Variants in CSMD1 observed in about 807,000 individuals in gnomAD.
CSMD1 encodes the protein CUB and sushi domain-containing protein 1.
CSMD1 carries 213 observed loss-of-function variants against 417.5 expected under a neutral mutation model. That is an observed-to-expected ratio of 0.51 (90% CI 0.46 to 0.57). The LOEUF (loss-of-function observed/expected upper bound fraction) is 0.57, where lower values mean the gene tolerates loss of function less well. Ranked by LOEUF, CSMD1 falls within the 20% of genes least tolerant of loss-of-function variation. The probability of loss-of-function intolerance (pLI) is 0.00; values close to 1 mark genes in which losing one functional copy is unlikely to be tolerated. For synonymous variants in CSMD1, 2,862 were observed against 1,736.8 expected, an observed-to-expected ratio of 1.65 and a Z score of -16.11; for missense variants, 6,923 against 4,529.7, an observed-to-expected ratio of 1.53 and a Z score of -15.17.
intron 1 of CSMD1, among the ~76,000 whole-genome samples, chr8:4,728,021 A>AT (rs1158748662): frequency 1.0e-4 from 15 of 145,708 alleles, no homozygotes; most frequent in Middle Eastern, 3.8e-3. Context: ...ATATATATAT[A>AT]TTTTTTCTAT....
chr8:3,082,681 A>G (rs2129003788), intron 49 of CSMD1, among the ~76,000 whole-genome samples: 1 of 152,256 alleles, frequency 6.6e-6, no homozygotes, highest in Admixed American at 6.5e-5. Flanking sequence ...CACAGCAACA[A>G]CCTTAATGTA....
At chr8:3,767,041 C>T (rs1333724617) in intron 5 of CSMD1, among the ~76,000 whole-genome samples, 1 of 152,304 alleles carries the variant, frequency 6.6e-6, no homozygotes, top group East Asian at 1.9e-4. Flanking sequence ...AACTCCGGAG[C>T]TCTTCAGCTG....
chr8:3,883,046 T>C (rs1563174771), intron 5 of CSMD1, among the ~76,000 whole-genome samples: 3 of 152,160 alleles, frequency 2.0e-5, no homozygotes, highest in Non-Finnish European at 2.9e-5. Context: ...CCTGAACATA[T>C]CTAAGAGCCA....
chr8:3,334,700 G>A (rs986001183), intron 23 of CSMD1, among the ~76,000 whole-genome samples: 2 of 152,156 alleles, frequency 1.3e-5, no homozygotes, highest in Admixed American at 6.5e-5. Flanking sequence ...CAGTGCAAAC[G>A]GCTGCAAATG....
chr8:4,281,722 A>G (rs1417027381), intron 3 of CSMD1, among the ~76,000 whole-genome samples: 1 of 152,218 alleles, frequency 6.6e-6, no homozygotes, highest in Non-Finnish European at 1.5e-5. Context: ...TATAAACATT[A>G]AACGGAATCA....
At chr8:4,132,799 G>A (rs1235174221) in intron 3 of CSMD1, among the ~76,000 whole-genome samples, 2 of 152,152 alleles carry the variant, frequency 1.3e-5, no homozygotes, top group Non-Finnish European at 2.9e-5. Context: ...GTGTGTGAAT[G>A]TAAAGAAGAA....
At chr8:4,736,212 A>G (rs1259907439) in intron 1 of CSMD1, among the ~76,000 whole-genome samples, 3 of 152,180 alleles carry the variant, frequency 2.0e-5, no homozygotes, top group African/African-American at 4.8e-5. Context: ...CAGGACAGGG[A>G]AAAATGCTGT....
At chr8:4,888,736 C>G (rs78156138) in intron 1 of CSMD1, among the ~76,000 whole-genome samples, 2,896 of 152,084 alleles carry the variant, frequency 0.019, 114 homozygotes, top group African/African-American at 0.066. Context: ...CAGGCCAAGC[C>G]TGGGATATGT....
chr8:4,467,567 TAAGA>T (rs1229746898), intron 2 of CSMD1, among the ~76,000 whole-genome samples: 7 of 152,320 alleles, frequency 4.6e-5, no homozygotes, highest in Admixed American at 3.3e-4. Flanking sequence ...ATTGTTATTT[TAAGA>T]AACAAATATT....
At chr8:3,577,318 G>A (rs1400814659) in intron 9 of CSMD1, among the ~76,000 whole-genome samples, 3 of 152,160 alleles carry the variant, frequency 2.0e-5, no homozygotes, top group South Asian at 2.1e-4. Flanking sequence ...TCAGGCCTAT[G>A]AAGTACCAAG....
chr8:3,144,924 G>A (rs1818747628), intron 40 of CSMD1, among the ~76,000 whole-genome samples: 1 of 151,950 alleles, frequency 6.6e-6, no homozygotes, highest in Non-Finnish European at 1.5e-5. Flanking sequence ...CCCAGCCAGT[G>A]GCACATCCAG....
chr8:3,967,461 A>C (rs1419175132), intron 5 of CSMD1, among the ~76,000 whole-genome samples: 8 of 31,600 alleles, frequency 2.5e-4, no homozygotes, highest in African/African-American at 8.7e-4. Context: ...TAAAAGGAAA[A>C]AAAAAAAAAC....
intron 1 of CSMD1, among the ~76,000 whole-genome samples, chr8:4,686,588 C>T (rs556046707): frequency 2.6e-5 from 4 of 152,358 alleles, no homozygotes; most frequent in African/African-American, 4.8e-5. Flanking sequence ...ACAAGTCCTT[C>T]GTCCAGTCTC....
intron 1 of CSMD1, among the ~76,000 whole-genome samples, chr8:4,829,791 C>T (rs1800042973): frequency 1.3e-5 from 2 of 151,292 alleles, no homozygotes; most frequent in Non-Finnish European, 2.9e-5. Flanking sequence ...TCACACCCAC[C>T]TAGTTAATGG....
At chr8:3,243,812 GA>G (rs1364518622) in intron 26 of CSMD1, among the ~76,000 whole-genome samples, 1 of 150,842 alleles carries the variant, frequency 6.6e-6, no homozygotes, top group Admixed American at 6.6e-5. Context: ...ATTATATGAT[GA>G]ATATTATATT....
intron 1 of CSMD1, among the ~76,000 whole-genome samples, chr8:4,927,249 G>C (rs1160838266): frequency 1.3e-5 from 2 of 151,806 alleles, no homozygotes; most frequent in Non-Finnish European, 2.9e-5. Flanking sequence ...GTAGAGACAG[G>C]GTTTCACCAT....
intron 3 of CSMD1, among the ~76,000 whole-genome samples, chr8:4,202,770 A>G (rs946275234): frequency 2.0e-5 from 3 of 152,192 alleles, no homozygotes; most frequent in Admixed American, 1.3e-4. Flanking sequence ...TGATAGTGAT[A>G]GAACAGAGAA....
chr8:3,634,015 T>C (rs530013431), intron 7 of CSMD1, among the ~76,000 whole-genome samples: 1 of 151,892 alleles, frequency 6.6e-6, no homozygotes, highest in South Asian at 2.1e-4. Context: ...GTAAATGTTT[T>C]ATCTGGGATT....
chr8:4,857,449 A>C (rs913617269), intron 1 of CSMD1, among the ~76,000 whole-genome samples: 1 of 152,202 alleles, frequency 6.6e-6, no homozygotes, highest in Admixed American at 6.5e-5. Flanking sequence ...AGATACAAAA[A>C]ACCCTTCAAA....
Sources: allele counts gnomAD v4.1 joint callset (sites outside exome capture counted in the v4.1 genomes callset), GRCh38; gene constraint gnomAD v4.1.1; transcripts MANE v1.5; gene names NCBI Gene and HGNC (gene_info 2026-07-23, HGNC 2026-07-21).